Variants in HECW2 observed in about 807,000 individuals in gnomAD.
The protein encoded by HECW2 is E3 ubiquitin-protein ligase HECW2.
Under a neutral mutation model 175.2 loss-of-function variants are expected in HECW2, and 61 were observed. That is an observed-to-expected ratio of 0.35 (90% CI 0.28 to 0.43). HECW2 has a LOEUF of 0.43. Among genes scored for constraint, HECW2 ranks in the 20% least tolerant of loss-of-function variants. The pLI, the probability that HECW2 is intolerant of heterozygous loss-of-function variation, is 1.00. For synonymous variants in HECW2, 671 were observed against 731.0 expected, an observed-to-expected ratio of 0.92 and a Z score of 1.32; for missense variants, 1,524 against 2,000.5, an observed-to-expected ratio of 0.76 and a Z score of 4.54.
At position 196,472,123 on chromosome 2, in the gene HECW2, C is replaced by T. The variant is rs140472325; in HGVS notation, c.-35-38665G>A. Among the ~76,000 whole-genome samples the T allele has an allele frequency of 1.9e-3, 289 of 150,890 alleles. 1 individual carries two copies. In the East Asian group the frequency reaches 0.029, roughly 15 times the overall value. ...CCCATAATCAACCACATTTAGAGGG[C>T]GAAAAAAAAATAGTTGTAGTCAAAT... is the stretch of plus-strand genomic sequence containing the variant. On this transcript the variant is annotated intron_variant, in intron 1 of 28. Transcript: ENST00000644978.
intron 2 of HECW2, among the ~76,000 whole-genome samples, chr2:196,366,259 T>C (rs892780344): frequency 6.6e-6 from 1 of 152,204 alleles, no homozygotes; most frequent in Non-Finnish European, 1.5e-5. Context: ...TTAGTAAAAG[T>C]AATTAAGGAC....
chr2:196,494,858 G>C lies in HECW2; in HGVS notation c.-35-61400C>G, dbSNP rs1166899786. On this transcript the variant is annotated intron_variant, in intron 1 of 28. Transcript: ENST00000644978. ...GAGGCTGCTGTACATGGTGAAAAGA[G>C]CTCCAAACTTGAAGTCAAGATTCTC... Among the ~76,000 whole-genome samples the C allele has an allele frequency of 3.9e-5, 6 of 152,254 alleles. No homozygotes were observed. In the East Asian group the frequency reaches 1.2e-3, roughly 29 times the overall value.
intron 1 of HECW2, among the ~76,000 whole-genome samples, chr2:196,440,478 A>G (rs1696006054): frequency 6.6e-6 from 1 of 152,198 alleles, no homozygotes; most frequent in Admixed American, 6.5e-5. Context: ...TTGCAAAGTC[A>G]CATAAAAATG....
chr2:196,279,400 A>G (rs1272497568), intron 14 of HECW2, among the ~76,000 whole-genome samples: 1 of 152,104 alleles, frequency 6.6e-6, no homozygotes, highest in Non-Finnish European at 1.5e-5. Flanking sequence ...CCTATACAGT[A>G]AGCCACAAAA....
At chr2:196,231,322 A>T (rs1688049286) in intron 21 of HECW2, among the ~76,000 whole-genome samples, 1 of 152,178 alleles carries the variant, frequency 6.6e-6, no homozygotes, top group Admixed American at 6.5e-5. Flanking sequence ...AAGAACCAGC[A>T]GGCCTTGGGG....
rs1314216476 is a variant in HECW2 at position 196,478,887 on chromosome 2, C to T, written c.-35-45429G>A. Among the ~76,000 whole-genome samples the T allele has an allele frequency of 2.6e-5, 4 of 152,084 alleles. No homozygotes were observed. In the South Asian group the frequency reaches 6.2e-4, roughly 24 times the overall value. Reference sequence around the variant, plus strand: ...GGTACATAGAAGAGGGGTCATCTTACGGCAAACTTGATGATTACTGGGTTT... The same window carrying T: ...GGTACATAGAAGAGGGGTCATCTTATGGCAAACTTGATGATTACTGGGTTT... On this transcript the variant is annotated intron_variant, in intron 1 of 28. Coordinates refer to ENST00000644978, the MANE Select transcript of HECW2 (RefSeq NM_001348768.2).
chr2:196,536,301 C>G (rs1027759865), intron 1 of HECW2, among the ~76,000 whole-genome samples: 2 of 152,092 alleles, frequency 1.3e-5, no homozygotes, highest in African/African-American at 4.8e-5. Flanking sequence ...TCTTGGTACA[C>G]CTAGGTGCAT....
intron 21 of HECW2, among the ~76,000 whole-genome samples, chr2:196,231,592 C>T (rs2105850902): frequency 6.6e-6 from 1 of 152,332 alleles, no homozygotes; most frequent in African/African-American, 2.4e-5. Context: ...AGAGGTTTGA[C>T]TGGTGAAATC....
intron 1 of HECW2, among the ~76,000 whole-genome samples, chr2:196,475,375 A>G (rs912301004): frequency 3.5e-5 from 5 of 141,544 alleles, no homozygotes; most frequent in African/African-American, 5.2e-5. Flanking sequence ...GAGGGGAGAT[A>G]GGAAGATGAG....
At chr2:196,367,427 T>C (rs1352601321) in intron 2 of HECW2, among the ~76,000 whole-genome samples, 1 of 152,214 alleles carries the variant, frequency 6.6e-6, no homozygotes, top group African/African-American at 2.4e-5. Context: ...CAATGCATAA[T>C]AATCACATCA....
chr2:196,242,377 T>C, intron 19 of HECW2, 173 bp from the exon 20 acceptor site: 1 of 701,838 alleles, frequency 1.4e-6, no homozygotes, highest in African/African-American at 1.8e-5. Flanking sequence ...AACCAAGGTC[T>C]TAAGTGACGT....
intron 1 of HECW2, among the ~76,000 whole-genome samples, chr2:196,490,318 T>G (rs1215670480): frequency 6.6e-6 from 1 of 152,234 alleles, no homozygotes. Flanking sequence ...TTCTCTCCCT[T>G]TTTTGTTTCA....
chr2:196,362,495 A>T (rs1416660454), intron 2 of HECW2, among the ~76,000 whole-genome samples: 1 of 152,124 alleles, frequency 6.6e-6, no homozygotes, highest in East Asian at 1.9e-4. Flanking sequence ...CATTACCATA[A>T]ATCAGACATA....
At chr2:196,267,437 A>G (rs1689559298) in intron 17 of HECW2, among the ~76,000 whole-genome samples, 1 of 152,164 alleles carries the variant, frequency 6.6e-6, no homozygotes, top group Non-Finnish European at 1.5e-5. Context: ...AGTAGCATAT[A>G]ATAATGCCAT....
chr2:196,384,902 G>A (rs1228538539), intron 2 of HECW2, among the ~76,000 whole-genome samples: 2 of 151,940 alleles, frequency 1.3e-5, no homozygotes, highest in South Asian at 2.1e-4. Flanking sequence ...CCTGTTAGAT[G>A]GTTTCTTTTT....
At chr2:196,215,384 G>T (rs1329863457) in intron 28 of HECW2, among the ~76,000 whole-genome samples, 1 of 152,172 alleles carries the variant, frequency 6.6e-6, no homozygotes, top group Non-Finnish European at 1.5e-5. Flanking sequence ...AAGGAAATAT[G>T]TAATCTTACT....
At chr2:196,368,142 G>A (rs1268509845) in intron 2 of HECW2, among the ~76,000 whole-genome samples, 1 of 152,112 alleles carries the variant, frequency 6.6e-6, no homozygotes, top group Non-Finnish European at 1.5e-5. Context: ...ATACCTAGCA[G>A]TGTAATTGCT....
At chr2:196,468,413 C>T (rs879576618) in intron 1 of HECW2, among the ~76,000 whole-genome samples, 14 of 152,180 alleles carry the variant, frequency 9.2e-5, no homozygotes, top group Non-Finnish European at 1.5e-4. Flanking sequence ...CCCACCCCTA[C>T]GCTTCAGTTA....
At chr2:196,267,903 C>T (rs548288127) in intron 17 of HECW2, among the ~76,000 whole-genome samples, 1 of 152,292 alleles carries the variant, frequency 6.6e-6, no homozygotes, top group African/African-American at 2.4e-5. Context: ...TGAGAAAGGA[C>T]ATATGCCAAG....
Sources: gnomAD v4.1 joint callset for allele counts (sites outside exome capture counted in the v4.1 genomes callset) on GRCh38, gnomAD v4.1.1 for gene constraint, MANE v1.5 for transcripts, NCBI Gene and HGNC (gene_info 2026-07-23, HGNC 2026-07-21) for gene names.